Variants in ADGRE2 observed in about 807,000 individuals in gnomAD.
ADGRE2 encodes the protein adhesion G protein-coupled receptor E2, also known as CD97 antigen.
In ADGRE2, 83 loss-of-function variants were observed where a neutral mutation model predicts 100.8. The observed-to-expected ratio is 0.82, with a 90% CI of 0.69 to 0.99. The LOEUF is 0.99. Among genes scored for constraint, ADGRE2 ranks in the 50% least tolerant of loss-of-function variants. The pLI, the probability that ADGRE2 is intolerant of heterozygous loss-of-function variation, is 0.00. For synonymous variants in ADGRE2, 355 were observed against 413.0 expected (o/e 0.86, Z 1.70); for missense variants, 814 against 1,035.7 (o/e 0.79, Z 2.94).
At chr19:14,775,231 C>G (rs2044392431) in intron 2 of ADGRE2, among the ~76,000 whole-genome samples, 1 of 152,034 alleles carries the variant, frequency 6.6e-6, no homozygotes, top group Non-Finnish European at 1.5e-5. Flanking sequence ...TCTTGAACTC[C>G]TAACCTCAGG....
At chr19:14,777,218 A>T (rs1381192468) in intron 1 of ADGRE2, 1 of 405,930 alleles carries the variant, frequency 2.5e-6, no homozygotes, top group Admixed American at 6.4e-5. Flanking sequence ...GGGCCTTGTC[A>T]GAAATAGCTC....
intron 1 of ADGRE2, among the ~76,000 whole-genome samples, chr19:14,777,391 A>G (rs180946048): frequency 1.2e-4 from 18 of 152,240 alleles, no homozygotes; most frequent in African/African-American, 4.1e-4. Flanking sequence ...GCACTCTGGG[A>G]GGGCGAGGCA....
chr19:14,760,231 T>C (rs1363320004), intron 11 of ADGRE2, among the ~76,000 whole-genome samples: 1 of 152,128 alleles, frequency 6.6e-6, no homozygotes, highest in East Asian at 1.9e-4. Flanking sequence ...ATACAAATGA[T>C]AAGTACTCAA....
intron 11 of ADGRE2, among the ~76,000 whole-genome samples, chr19:14,758,321 A>G (rs753815564): frequency 4.6e-5 from 7 of 152,358 alleles, no homozygotes; most frequent in Non-Finnish European, 5.9e-5. Flanking sequence ...CAACTGGACA[A>G]CCAAAAGACA....
chr19:14,776,151 G>A (rs116783481), intron 2 of ADGRE2, among the ~76,000 whole-genome samples: 4,463 of 152,178 alleles, frequency 0.029, 253 homozygotes, highest in African/African-American at 0.1. Context: ...TTTAGAGATG[G>A]GGACCTAGGG....
At chr19:14,724,537 G>A in the ADGRE2 span, among the ~76,000 whole-genome samples, 2 of 152,252 alleles carry the variant, frequency 1.3e-5, no homozygotes, top group East Asian at 1.9e-4. Flanking sequence ...AGGCCGAGGC[G>A]GGTGGATCAC....
At chr19:14,730,310 C>T (rs2042659261), downstream of ADGRE2, among the ~76,000 whole-genome samples, 1 of 152,168 alleles carries the variant, frequency 6.6e-6, no homozygotes, top group Non-Finnish European at 1.5e-5. Context: ...CTGCCTCAGT[C>T]TCCCAAAGTG....
In ADGRE2 at chr19:14,776,813, T is replaced by C; in HGVS notation, c.-57A>G. On this transcript the variant is annotated 5_prime_UTR_variant, in exon 2 of 21. Transcript: ENST00000315576. ...GGGGAAAGAGTGAGTGGGACAGGGC[T>C]GTCCCGTCTCCGCAGGCTGGGCAGC... 6.2e-7 allele frequency: 1 copy of C among 1,608,190 alleles called. No individual in the cohort carries two copies. The highest frequency in any genetic ancestry group is 8.5e-7 in the Non-Finnish European group (1 of 1,177,384).
At chr19:14,726,629 C>T in the ADGRE2 span, among the ~76,000 whole-genome samples, 5 of 152,174 alleles carry the variant, frequency 3.3e-5, no homozygotes, top group African/African-American at 1.2e-4. Flanking sequence ...AGAAATTTCT[C>T]CCACCAGACA....
In ADGRE2 at chr19:14,749,536, G is replaced by GTTATGTTATGTAATTATTTATA. The variant is rs1568589558; in HGVS notation, c.2024+1899_2024+1900insTATAAATAATTACATAACATAA. ...ATAGTTATGTAATATAATTATTTAT[G>GTTATGTTATGTAATTATTTATA]GTTATATAATTATTTATAGTTATGT... is the stretch of plus-strand genomic sequence containing the variant. On this transcript the variant is annotated intron_variant, in intron 16 of 20. Coordinates refer to ENST00000315576, the MANE Select transcript of ADGRE2 (RefSeq NM_013447.4). 7.1e-4 allele frequency among the ~76,000 whole-genome samples: 28 copies of GTTATGTTATGTAATTATTTATA among 39,714 alleles called. 1 individual carries two copies. The highest frequency in any genetic ancestry group is 2.9e-3 in the African/African-American group (24 of 8,250). 26.1% of individuals were successfully genotyped at this position (39,714 alleles called of 152,430 possible). A position where few individuals can be genotyped will look rare whatever the true frequency, so the allele number is the denominator to read the frequency against.
intron 16 of ADGRE2, among the ~76,000 whole-genome samples, chr19:14,748,658 C>T (rs2043167186): frequency 6.6e-6 from 1 of 152,122 alleles, no homozygotes; most frequent in Non-Finnish European, 1.5e-5. Context: ...TTGTGGACAT[C>T]GTTTTCATTT....
chr19:14,762,926 G>A (rs973131948), intron 11 of ADGRE2, among the ~76,000 whole-genome samples: 1 of 152,180 alleles, frequency 6.6e-6, no homozygotes, highest in African/African-American at 2.4e-5. Context: ...TTACAGGTGT[G>A]AGCGCCTGGC....
intron 16 of ADGRE2, 116 bp from the exon 17 acceptor site, chr19:14,747,078 T>G: frequency 1.1e-6 from 1 of 901,574 alleles, no homozygotes; most frequent in East Asian, 2.6e-5. Context: ...TCAACAATAT[T>G]AAGTGTTTCT....
At chr19:14,726,154 G>A in the ADGRE2 span, among the ~76,000 whole-genome samples, 3 of 152,220 alleles carry the variant, frequency 2.0e-5, no homozygotes, top group Non-Finnish European at 4.4e-5. Context: ...AACCTGCAGA[G>A]CTGCAACCCA....
chr19:14,760,709 A>G (rs2043685677), intron 11 of ADGRE2, among the ~76,000 whole-genome samples: 1 of 152,122 alleles, frequency 6.6e-6, no homozygotes, highest in Admixed American at 6.6e-5. Context: ...ATTTAACTGG[A>G]AAGACTAGTT....
At chr19:14,766,063 C>T in intron 7 of ADGRE2, 172 bp downstream of exon 7, 1 of 1,364,052 alleles carries the variant, frequency 7.3e-7, no homozygotes. Flanking sequence ...CCCCTCAGTA[C>T]CCCAGCTCCT....
intron 18 of ADGRE2, among the ~76,000 whole-genome samples, chr19:14,744,183 G>A (rs941446383): frequency 6.6e-6 from 1 of 151,748 alleles, no homozygotes; most frequent in Non-Finnish European, 1.5e-5. Context: ...GGCGGAGGTT[G>A]CAGTGAGTCG....
chr19:14,738,103 A>G (rs897588876), intron 20 of ADGRE2, among the ~76,000 whole-genome samples: 2 of 152,202 alleles, frequency 1.3e-5, no homozygotes, highest in Admixed American at 1.3e-4. Flanking sequence ...ATAAGTATTT[A>G]AGGTGATAGA....
Position 14,755,840 on chromosome 19 carries a change from C to T in ADGRE2, c.1230G>A (p.Met410Ile), listed in dbSNP as rs1005458732. Reference sequence around the variant, plus strand: ...GAGGGGCCTCAGCCAGCAACTTGCCCATCCCTGGAATGGAGACAAGGCCCA... The same window carrying T: ...GAGGGGCCTCAGCCAGCAACTTGCCTATCCCTGGAATGGAGACAAGGCCCA... The part of the protein sequence containing the change: ...SVVGLVSIPG[M>I]GKLLAEAPLV... The change falls in exon 13 of 21, where the codon ATG (methionine) becomes ATA (isoleucine). Residue 410 changes from methionine (M) to isoleucine (I), a missense_variant. This residue lies in a region of ADGRE2 where 569 missense variants were observed against 692.7 expected (regional missense o/e 0.82). Transcript: ENST00000315576. The T allele has an allele frequency of 6.2e-7, 1 of 1,614,164 alleles. No homozygotes were observed. Among genetic ancestry groups the T allele is most frequent in the Non-Finnish European group, 8.5e-7 (1 of 1,180,048 alleles).
Sources: gnomAD v4.1 joint callset for allele counts (sites outside exome capture counted in the v4.1 genomes callset) on GRCh38, gnomAD v4.1.1 for gene constraint, gnomAD v4.1.1 regional missense constraint, MANE v1.5 for transcripts, NCBI Gene and HGNC (gene_info 2026-07-23, HGNC 2026-07-21) for gene names.